MSR1: variants seen among roughly 807,000 people sequenced by gnomAD.
MSR1 encodes macrophage scavenger receptor 1.
In MSR1, 53 loss-of-function variants were observed where a neutral mutation model predicts 47.2. That is an observed-to-expected ratio of 1.12 (90% CI 0.90 to 1.41). The LOEUF is 1.41. Ranked by LOEUF, MSR1 falls within the 40% of genes most tolerant of loss-of-function variation. MSR1 has a pLI of 0.00. For missense variants in MSR1, 786 were observed against 546.9 expected (o/e 1.44, Z -4.36); for synonymous variants, 239 against 185.6 (o/e 1.29, Z -2.34).
intron 8 of MSR1, among the ~76,000 whole-genome samples, chr8:16,141,824 A>T (rs932552103): frequency 2.3e-4 from 34 of 147,866 alleles, no homozygotes; most frequent in African/African-American, 4.4e-4. Flanking sequence ...GTGTAAAAAT[A>T]AAAAAAAAAT....
At chr8:16,186,308 T>G (rs77061383) in intron 1 of MSR1, 2 of 962,050 alleles carry the variant, frequency 2.1e-6, no homozygotes, top group Non-Finnish European at 3.1e-6. Context: ...TTTTCTCTCC[T>G]ATTTTCACTC....
intron 1 of MSR1, among the ~76,000 whole-genome samples, chr8:16,181,595 A>G (rs1305698215): frequency 1.3e-5 from 2 of 152,140 alleles, no homozygotes; most frequent in East Asian, 3.9e-4. Context: ...TGGGAGCTGA[A>G]CAATGAGAAC....
chr8:16,177,495 C>T (rs2117208467), intron 2 of MSR1, among the ~76,000 whole-genome samples: 1 of 152,050 alleles, frequency 6.6e-6, no homozygotes, highest in African/African-American at 2.4e-5. Context: ...GCATTTTAGA[C>T]TTCTGCATCT....
At chr8:16,139,022 A>G (rs1585151605) in intron 8 of MSR1, among the ~76,000 whole-genome samples, 1 of 152,118 alleles carries the variant, frequency 6.6e-6, no homozygotes, top group African/African-American at 2.4e-5. Flanking sequence ...CTCTGTTGAC[A>G]CCTTCTGCCC....
intron 9 of MSR1, among the ~76,000 whole-genome samples, 167 bp from the exon 10 acceptor site, chr8:16,110,385 C>G (rs966818283): frequency 6.6e-6 from 1 of 152,110 alleles, no homozygotes; most frequent in Non-Finnish European, 1.5e-5. Flanking sequence ...TCTCCTGCTT[C>G]AGAACACTTT....
At chr8:16,127,332 C>T (rs1468566549) in intron 8 of MSR1, among the ~76,000 whole-genome samples, 6 of 152,100 alleles carry the variant, frequency 3.9e-5, no homozygotes, top group Non-Finnish European at 5.9e-5. Context: ...ACAAATCATT[C>T]GCATTATGGA....
chr8:16,128,149 C>G (rs1800172083), intron 8 of MSR1, among the ~76,000 whole-genome samples: 1 of 152,082 alleles, frequency 6.6e-6, no homozygotes, highest in Non-Finnish European at 1.5e-5. Flanking sequence ...GAAACATAGA[C>G]AAAGAAAACT....
chr8:16,150,105 T>C, intron 7 of MSR1, 126 bp downstream of exon 7: 1 of 217,830 alleles, frequency 4.6e-6, no homozygotes, highest in South Asian at 1.5e-4. Flanking sequence ...GTATACTACA[T>C]ATATAACATT....
At chr8:16,137,136 G>C (rs116424825) in intron 8 of MSR1, among the ~76,000 whole-genome samples, 1 of 152,022 alleles carries the variant, frequency 6.6e-6, no homozygotes, top group East Asian at 1.9e-4. Context: ...AATAAAGATA[G>C]AATATTAACA....
intron 9 of MSR1, 46 bp downstream of exon 9, chr8:16,120,368 CTCTG>C (rs1467140961): frequency 2.5e-6 from 4 of 1,582,478 alleles, no homozygotes; most frequent in Non-Finnish European, 2.6e-6. Context: ...CAGAATGAGA[CTCTG>C]TCTGAAACAA....
chr8:16,161,330 G>T (rs184767693), intron 5 of MSR1, among the ~76,000 whole-genome samples: 67 of 152,084 alleles, frequency 4.4e-4, no homozygotes, highest in Middle Eastern at 3.4e-3. Flanking sequence ...CAACAGATTT[G>T]GGGAGGCAGA....
chr8:16,167,467 C>G (rs996049266), intron 4 of MSR1, among the ~76,000 whole-genome samples: 2 of 152,140 alleles, frequency 1.3e-5, no homozygotes, highest in South Asian at 4.1e-4. Context: ...ATCACTTGAA[C>G]CTGGGAGGCA....
intron 1 of MSR1, chr8:16,186,035 AC>A: frequency 1.3e-6 from 1 of 798,706 alleles, no homozygotes; most frequent in Non-Finnish European, 2.0e-6. Flanking sequence ...ATAACCTGCC[AC>A]ATAGAATTTA....
chr8:16,161,480 T>C (rs192984481), intron 5 of MSR1, among the ~76,000 whole-genome samples: 57 of 152,122 alleles, frequency 3.7e-4, no homozygotes, highest in African/African-American at 1.3e-3. Flanking sequence ...ATCTGTTTTA[T>C]TGTGATAAAT....
At chr8:16,183,928 C>T (rs1801918651) in intron 1 of MSR1, among the ~76,000 whole-genome samples, 1 of 144,778 alleles carries the variant, frequency 6.9e-6, no homozygotes, top group South Asian at 2.1e-4. Flanking sequence ...AGGCATAGTA[C>T]AAAAGTGAGT....
intron 1 of MSR1, among the ~76,000 whole-genome samples, chr8:16,188,171 A>T (rs1394196269): frequency 6.6e-6 from 1 of 152,168 alleles, no homozygotes; most frequent in Non-Finnish European, 1.5e-5. Flanking sequence ...TAATATCAGC[A>T]TTTTATCAAG....
At chr8:16,178,048 T>G in intron 1 of MSR1, 56 bp from the exon 2 acceptor site, 1 of 1,351,916 alleles carries the variant, frequency 7.4e-7, no homozygotes, top group African/African-American at 1.4e-5. Flanking sequence ...TAGGGCTCTT[T>G]TGCATAATGT....
At position 16,177,921 on chromosome 8, in the gene MSR1, A is replaced by T; in HGVS notation, c.68T>A (p.Phe23Tyr). 1 of 1,613,956 alleles carries T rather than the reference A, an allele frequency of 6.2e-7. No individual in the cohort carries two copies. The highest frequency in any genetic ancestry group is 1.1e-5 in the South Asian group (1 of 91,072). ...DTDSCSESVK[F>Y]DARSMTALLP... Reference sequence around the variant, plus strand: ...CAAAGCTGTCATTGAGCGAGCATCAAATTTCACAGATTCGGAGCAGCTATC... The same window carrying T: ...CAAAGCTGTCATTGAGCGAGCATCATATTTCACAGATTCGGAGCAGCTATC... The change falls in exon 2 of 10, where the codon TTT becomes TAT. Residue 23 changes from phenylalanine (F) to tyrosine (Y), a missense_variant. Physicochemically the swap from Phe to Tyr is conservative, Grantham distance 22. Coordinates refer to ENST00000262101, the MANE Select transcript of MSR1 (RefSeq NM_138715.3).
chr8:16,127,798 A>G (rs1800163027), intron 8 of MSR1, among the ~76,000 whole-genome samples: 1 of 152,162 alleles, frequency 6.6e-6, no homozygotes, highest in Non-Finnish European at 1.5e-5. Context: ...ATGTAAACCA[A>G]TAGACTCTAT....
Sources: gnomAD v4.1 joint callset for allele counts (sites outside exome capture counted in the v4.1 genomes callset) on GRCh38, gnomAD v4.1.1 for gene constraint, MANE v1.5 for transcripts, NCBI Gene and HGNC (gene_info 2026-07-23, HGNC 2026-07-21) for gene names.